RPRD2: variants seen among roughly 807,000 people sequenced by gnomAD.
The protein encoded by RPRD2 is regulation of nuclear pre-mRNA domain containing 2, also known as regulation of nuclear pre-mRNA domain-containing protein 2.
RPRD2 carries 12 observed loss-of-function variants against 104.4 expected under a neutral mutation model. The ratio of observed to expected loss-of-function variants is 0.11; its 90% CI spans 0.07 to 0.19. RPRD2 has a LOEUF of 0.19. Among genes scored for constraint, RPRD2 ranks in the 10% least tolerant of loss-of-function variants. RPRD2 has a pLI of 1.00. For missense variants in RPRD2, 1,543 were observed against 1,790.1 expected, an observed-to-expected ratio of 0.86 and a Z score of 2.49; for synonymous variants, 714 against 684.9, an observed-to-expected ratio of 1.04 and a Z score of -0.66.
chr1:150,416,268 A>G (rs1042692638), intron 1 of RPRD2, among the ~76,000 whole-genome samples: 1 of 150,638 alleles, frequency 6.6e-6, no homozygotes, highest in Non-Finnish European at 1.5e-5. Context: ...AGACTCTGGA[A>G]TTGATGAAGA....
chr1:150,459,022 G>A (rs587686425), intron 8 of RPRD2, among the ~76,000 whole-genome samples: 1 of 152,282 alleles, frequency 6.6e-6, no homozygotes, highest in East Asian at 1.9e-4. Flanking sequence ...TTGTATTCAT[G>A]TTAAATAGCA....
At chr1:150,426,147 C>T (rs998843753) in intron 2 of RPRD2, among the ~76,000 whole-genome samples, 1 of 151,826 alleles carries the variant, frequency 6.6e-6, no homozygotes, top group Admixed American at 6.6e-5. Flanking sequence ...AAGCCTTCTA[C>T]AGTCAAATCT....
At chr1:150,365,889 G>A (rs1659808847) in intron 1 of RPRD2, among the ~76,000 whole-genome samples, 1 of 152,108 alleles carries the variant, frequency 6.6e-6, no homozygotes, top group South Asian at 2.1e-4. Context: ...CCCGTGCCCG[G>A]CCCCGTTACT....
chr1:150,413,010 GAA>G (rs71086509), intron 1 of RPRD2, among the ~76,000 whole-genome samples: 3,329 of 136,602 alleles, frequency 0.024, 130 homozygotes, highest in African/African-American at 0.082. Context: ...AAAAAGAAAA[GAA>G]AAATAAATTT....
chr1:150,429,926 CATT>C (rs1665438684), intron 2 of RPRD2, among the ~76,000 whole-genome samples: 2 of 152,188 alleles, frequency 1.3e-5, no homozygotes, highest in Non-Finnish European at 2.9e-5. Flanking sequence ...ATGCCGATAA[CATT>C]AATACTATGT....
intron 2 of RPRD2, among the ~76,000 whole-genome samples, chr1:150,423,305 T>A (rs1015986746): frequency 9.2e-5 from 14 of 152,202 alleles, no homozygotes; most frequent in Non-Finnish European, 2.1e-4. Flanking sequence ...ATAAGTTATA[T>A]ATAGATTATA....
intron 10 of RPRD2, among the ~76,000 whole-genome samples, chr1:150,469,203 AC>A (rs1324164295): frequency 6.6e-6 from 1 of 152,230 alleles, no homozygotes; most frequent in African/African-American, 2.4e-5. Flanking sequence ...TCATATAATT[AC>A]TAAGGAACAA....
intron 4 of RPRD2, 131 bp from the exon 5 acceptor site, chr1:150,443,100 A>T: frequency 1.6e-6 from 1 of 614,998 alleles, no homozygotes. Context: ...TATTTATTTT[A>T]GGAATTATGA....
chr1:150,441,849 T>A (rs1553894523), intron 3 of RPRD2, 32 bp from the exon 4 acceptor site: 1 of 1,558,446 alleles, frequency 6.4e-7, no homozygotes, highest in Admixed American at 1.7e-5. Flanking sequence ...CTTCCCATAA[T>A]GCCAGATTGC....
intron 2 of RPRD2, among the ~76,000 whole-genome samples, chr1:150,430,247 A>C (rs1665459608): frequency 6.6e-6 from 1 of 152,248 alleles, no homozygotes; most frequent in Non-Finnish European, 1.5e-5. Flanking sequence ...ATGGAATAAC[A>C]AAATGAACAA....
At chr1:150,384,772 G>A (rs998823766) in intron 1 of RPRD2, among the ~76,000 whole-genome samples, 1 of 151,886 alleles carries the variant, frequency 6.6e-6, no homozygotes, top group Non-Finnish European at 1.5e-5. Context: ...CTCCCAAAGT[G>A]GTGGGATTAC....
chr1:150,380,466 G>C (rs781970670), intron 1 of RPRD2, among the ~76,000 whole-genome samples: 1 of 150,982 alleles, frequency 6.6e-6, no homozygotes, highest in Middle Eastern at 3.5e-3. Context: ...TCCTGTCTCA[G>C]CCTCTGAAGT....
intron 3 of RPRD2, chr1:150,441,478 T>G (rs1224189614): frequency 5.2e-6 from 1 of 193,656 alleles, no homozygotes; most frequent in Non-Finnish European, 1.1e-5. Flanking sequence ...TACTGTTTTG[T>G]TAAAAGGAAT....
intron 1 of RPRD2, among the ~76,000 whole-genome samples, chr1:150,387,611 G>T: frequency 2.4e-5 from 1 of 42,434 alleles, no homozygotes; most frequent in Non-Finnish European, 4.0e-5. Context: ...TTTTTTTTGA[G>T]ACGGAGTTTC....
Position 150,387,566 on chromosome 1 carries a change from CCTTTTTTTTTTTTTTTTTTTT to C in RPRD2, c.205+22648_205+22668del, listed in dbSNP as rs1186693506. Among the ~76,000 whole-genome samples the C allele has an allele frequency of 5.6e-4, 39 of 70,130 alleles. 3 individuals carry two copies. In the South Asian group the frequency reaches 5.8e-3, roughly 10 times the overall value. 46.0% of individuals were successfully genotyped at this position (70,130 alleles called of 152,430 possible). ...TAAATCTTACAGAAGTTGCAACAGA[CCTTTTTTTTTTTTTTTTTTTT>C]TTTTTTTTTTTTTTTTTTTTTGAGA... On this transcript the variant is annotated intron_variant, in intron 1 of 10. Coordinates refer to ENST00000369068, the MANE Select transcript of RPRD2 (RefSeq NM_015203.5).
intron 10 of RPRD2, among the ~76,000 whole-genome samples, chr1:150,469,154 A>G (rs1360022630): frequency 6.6e-6 from 1 of 152,228 alleles, no homozygotes; most frequent in Non-Finnish European, 1.5e-5. Context: ...AATTTTGAAG[A>G]AATGTTAATT....
At chr1:150,421,207 T>C (rs1423104189) in intron 2 of RPRD2, among the ~76,000 whole-genome samples, 1 of 152,198 alleles carries the variant, frequency 6.6e-6, no homozygotes, top group Non-Finnish European at 1.5e-5. Flanking sequence ...AATCAGTAGC[T>C]TTCCTATGTA....
chr1:150,408,158 A>ATTTTTTTTTTTTTTTT (rs10684924), intron 1 of RPRD2, among the ~76,000 whole-genome samples: 3 of 95,096 alleles, frequency 3.2e-5, no homozygotes, highest in African/African-American at 9.3e-5. Flanking sequence ...TATTCATATG[A>ATTTTTTTTTTTTTTTT]TTTTTTTTTT....
At chr1:150,381,149 G>A (rs1661096637) in intron 1 of RPRD2, among the ~76,000 whole-genome samples, 1 of 152,010 alleles carries the variant, frequency 6.6e-6, no homozygotes, top group Non-Finnish European at 1.5e-5. Flanking sequence ...TTGTCAGGGT[G>A]TGCTGGCTTA....
Sources: gnomAD v4.1 joint callset for allele counts (sites outside exome capture counted in the v4.1 genomes callset) on GRCh38, gnomAD v4.1.1 for gene constraint, MANE v1.5 for transcripts, NCBI Gene and HGNC (gene_info 2026-07-23, HGNC 2026-07-21) for gene names.